The following GRIP1 variants were observed in gnomAD, a reference collection of about 807,000 sequenced individuals.
The protein encoded by GRIP1 is glutamate receptor-interacting protein 1.
Under a neutral mutation model 129.9 loss-of-function variants are expected in GRIP1, and 45 were observed. That is an observed-to-expected ratio of 0.35 (90% CI 0.27 to 0.44). The LOEUF (loss-of-function observed/expected upper bound fraction) is 0.44. Ranked by LOEUF, GRIP1 falls within the 20% of genes least tolerant of loss-of-function variation. GRIP1 has a pLI of 1.00. For missense variants in GRIP1, 1,196 were observed against 1,396.8 expected (o/e 0.86, Z 2.29); for synonymous variants, 530 against 520.8 (o/e 1.02, Z -0.24).
At chr12:66,977,807 A>ATTTTGCAT (rs2042176827) in intron 1 of GRIP1, among the ~76,000 whole-genome samples, 1 of 60,256 alleles carries the variant, frequency 1.7e-5, no homozygotes, top group African/African-American at 7.0e-5. Flanking sequence ...AGAGCTGAGC[A>ATTTTGCAT]TTTTTTTTTT....
chr12:66,420,100 A>C (rs2057752204), intron 15 of GRIP1, among the ~76,000 whole-genome samples: 1 of 152,228 alleles, frequency 6.6e-6, no homozygotes, highest in Admixed American at 6.5e-5. Context: ...TCGGTCTCAA[A>C]AATAAAACAA....
chr12:66,479,105 GA>G (rs35639519), intron 7 of GRIP1, among the ~76,000 whole-genome samples: 1 of 149,572 alleles, frequency 6.7e-6, no homozygotes, highest in East Asian at 2.0e-4. Flanking sequence ...AGATAAAACA[GA>G]AAAAAAAATC....
intron 1 of GRIP1, among the ~76,000 whole-genome samples, chr12:66,798,288 C>T (rs940019801): frequency 3.9e-5 from 6 of 152,126 alleles, no homozygotes; most frequent in Non-Finnish European, 5.9e-5. Context: ...GAATTACTCA[C>T]CTCCACATGC....
At chr12:66,895,968 G>A (rs1041976009) in intron 1 of GRIP1, among the ~76,000 whole-genome samples, 1 of 152,198 alleles carries the variant, frequency 6.6e-6, no homozygotes, top group Non-Finnish European at 1.5e-5. Flanking sequence ...GTCACTGCCA[G>A]TTCTGCTATA....
chr12:66,934,875 A>G (rs1034691273), intron 1 of GRIP1, among the ~76,000 whole-genome samples: 3 of 152,236 alleles, frequency 2.0e-5, no homozygotes, highest in Non-Finnish European at 2.9e-5. Flanking sequence ...GAGACACCAG[A>G]AAGAACTTCA....
chr12:66,946,531 T>C (rs1285158349), intron 1 of GRIP1, among the ~76,000 whole-genome samples: 1 of 151,994 alleles, frequency 6.6e-6, no homozygotes, highest in Non-Finnish European at 1.5e-5. Flanking sequence ...GAGTGTATTA[T>C]TCTTCATATA....
intron 1 of GRIP1, among the ~76,000 whole-genome samples, chr12:66,715,766 C>T (rs1228633325): frequency 6.6e-6 from 1 of 151,964 alleles, no homozygotes; most frequent in African/African-American, 2.4e-5. Flanking sequence ...AATTAAAATA[C>T]AGTGGGAGCT....
At chr12:66,507,469 G>A (rs1342814710) in intron 7 of GRIP1, among the ~76,000 whole-genome samples, 3 of 151,104 alleles carry the variant, frequency 2.0e-5, no homozygotes, top group Non-Finnish European at 4.4e-5. Flanking sequence ...AATCAATAAA[G>A]TATGAATAGT....
intron 7 of GRIP1, among the ~76,000 whole-genome samples, chr12:66,478,908 T>A (rs1052650676): frequency 6.6e-6 from 1 of 152,112 alleles, no homozygotes; most frequent in African/African-American, 2.4e-5. Context: ...AGGGATAGCA[T>A]TAGGAAATAT....
At chr12:66,609,300 C>T (rs535776923) in intron 1 of GRIP1, among the ~76,000 whole-genome samples, 1 of 152,234 alleles carries the variant, frequency 6.6e-6, no homozygotes, top group South Asian at 2.1e-4. Context: ...AAACTGGGAC[C>T]TGACCATTAT....
chr12:66,472,136 A>C (rs1197887866), intron 7 of GRIP1, among the ~76,000 whole-genome samples: 3 of 152,226 alleles, frequency 2.0e-5, no homozygotes, highest in African/African-American at 7.2e-5. Flanking sequence ...AAGCCTAATT[A>C]TATTCTTGCT....
intron 1 of GRIP1, among the ~76,000 whole-genome samples, chr12:66,853,190 G>A (rs780277153): frequency 4.6e-5 from 7 of 151,670 alleles, no homozygotes; most frequent in South Asian, 2.1e-4. Flanking sequence ...ACCAGGAAAC[G>A]GAGATTTTAA....
At chr12:66,712,100 A>C (rs1028983452) in intron 1 of GRIP1, among the ~76,000 whole-genome samples, 2 of 151,976 alleles carry the variant, frequency 1.3e-5, no homozygotes, top group Non-Finnish European at 2.9e-5. Flanking sequence ...AATATAATAC[A>C]ATCATATACG....
At chr12:66,959,594 T>C (rs2041892973) in intron 1 of GRIP1, among the ~76,000 whole-genome samples, 1 of 152,166 alleles carries the variant, frequency 6.6e-6, no homozygotes, top group African/African-American at 2.4e-5. Context: ...TTTTCAAATA[T>C]CTTGATACAT....
intron 1 of GRIP1, among the ~76,000 whole-genome samples, chr12:67,056,444 C>T (rs2043437215): frequency 6.6e-6 from 1 of 152,200 alleles, no homozygotes; most frequent in Non-Finnish European, 1.5e-5. Context: ...GGCTTCCTCA[C>T]AGCATTGTGG....
chr12:66,602,557 C>T (rs1410515806), intron 1 of GRIP1, among the ~76,000 whole-genome samples: 9 of 152,142 alleles, frequency 5.9e-5, no homozygotes, highest in South Asian at 2.1e-4. Context: ...GAGGCTGCAA[C>T]ATTTCATTTC....
At chr12:67,010,347 G>A (rs2042687264) in intron 1 of GRIP1, among the ~76,000 whole-genome samples, 4 of 152,048 alleles carry the variant, frequency 2.6e-5, no homozygotes, top group Admixed American at 1.3e-4. Context: ...TGTTTTACTT[G>A]CCTTCACGCT....
intron 14 of GRIP1, among the ~76,000 whole-genome samples, chr12:66,429,222 C>T (rs1481905217): frequency 6.6e-6 from 1 of 152,082 alleles, no homozygotes; most frequent in Non-Finnish European, 1.5e-5. Flanking sequence ...GGGGCTGTTT[C>T]TTAATACTTA....
intron 10 of GRIP1, 93 bp from the exon 11 acceptor site, chr12:66,455,657 A>G: frequency 8.7e-7 from 1 of 1,150,398 alleles, no homozygotes; most frequent in South Asian, 1.2e-5. Context: ...AAAGACACAC[A>G]TGATGCATAG....
Sources: gnomAD v4.1 joint callset for allele counts (sites outside exome capture counted in the v4.1 genomes callset) on GRCh38, gnomAD v4.1.1 for gene constraint, MANE v1.5 for transcripts, NCBI Gene and HGNC (gene_info 2026-07-23, HGNC 2026-07-21) for gene names.